The following SHOX variants were observed in gnomAD, a reference collection of about 807,000 sequenced individuals.
SHOX encodes the protein short stature homeobox protein.
Under a neutral mutation model 29.6 loss-of-function variants are expected in SHOX, and 12 were observed. The ratio of observed to expected loss-of-function variants is 0.41; its 90% CI spans 0.26 to 0.66. The LOEUF (loss-of-function observed/expected upper bound fraction) is 0.66. Among genes scored for constraint, SHOX ranks in the 30% least tolerant of loss-of-function variants. The pLI is 0.35. For synonymous variants in SHOX, 214 were observed against 200.6 expected (o/e 1.07, Z -0.57); for missense variants, 499 against 437.7 (o/e 1.14, Z -1.25).
At chrX:655,620 A>C (rs758098980), downstream of SHOX, among the ~76,000 whole-genome samples, 73 of 24,592 alleles carry the variant, frequency 3.0e-3, no homozygotes, top group African/African-American at 0.011. Context: ...CTCTCTATAT[A>C]TATATATATA....
At chrX:652,832 G>A (rs28579720), downstream of SHOX, among the ~76,000 whole-genome samples, 5 of 151,858 alleles carry the variant, frequency 3.3e-5, no homozygotes, top group East Asian at 1.9e-4. Flanking sequence ...TGCTTTTTGC[G>A]TGTTAGCAGA....
At chrX:658,631 C>T (rs890628816) in intron 5 of SHOX, among the ~76,000 whole-genome samples, 18 of 150,206 alleles carry the variant, frequency 1.2e-4, no homozygotes, top group African/African-American at 2.7e-4. Context: ...CCACCGCGCC[C>T]GGCTAATTTT....
chrX:650,811 A>AAC lies in SHOX; in HGVS notation c.*6176_*6177insCA, dbSNP rs1556473231. On this transcript the variant is annotated 3_prime_UTR_variant, in exon 5 of 5. Coordinates refer to ENST00000686671, the MANE Select transcript of SHOX (RefSeq NM_000451.4). The stretch of plus-strand genomic sequence containing the variant: ...TGACATTAAAAAAAAAAAAAAAAAA[A>AAC]AAAAAAAACTGGTGCCTAATTTATT... Among the ~76,000 whole-genome samples, 4,261 of 147,294 alleles carry AAC rather than the reference A, an allele frequency of 0.029. 142 individuals are homozygous for AAC. The highest frequency in any genetic ancestry group is 0.088 in the South Asian group (383 of 4,354).
intron 4 of SHOX, among the ~76,000 whole-genome samples, chrX:642,368 G>T (rs2052871782): frequency 6.6e-6 from 1 of 152,104 alleles, no homozygotes; most frequent in Non-Finnish European, 1.5e-5. Context: ...AAGGGGACAG[G>T]CTGGGGATTG....
chrX:624,701 T>TTTTCTTTTC (rs1556451345), intron 1 of SHOX: 2 of 105,370 alleles, frequency 1.9e-5, no homozygotes, highest in Non-Finnish European at 3.7e-5. Context: ...TTCCTCTTTC[T>TTTTCTTTTC]TTTCTTTCTT....
Position 630,867 on chromosome X carries a change from C to G in SHOX, c.-31C>G, listed in dbSNP as rs746800766. ...GCGGGGAGACGCGCGCATCCACCAG[C>G]CCCGGCTGCTCGCCAGCCCCGGCCC... On this transcript the variant is annotated 5_prime_UTR_variant, in exon 1 of 5. Coordinates refer to ENST00000686671, the MANE Select transcript of SHOX (RefSeq NM_000451.4). 6 of 1,611,852 alleles carry G rather than the reference C, an allele frequency of 3.7e-6. No individual in the cohort carries two copies. Among genetic ancestry groups the G allele is most frequent in the Non-Finnish European group, 4.2e-6 (5 of 1,179,634 alleles).
rs1202713206 is a variant in SHOX, at chrX:644,462, C to T, written c.705C>T (p.His235=). The change falls in exon 5 of 5, where the codon CAC becomes CAT. Residue 235 remains histidine (H), a synonymous_variant. Coordinates refer to ENST00000686671, the MANE Select transcript of SHOX (RefSeq NM_000451.4). ...ACCTGCACCCGCACCTGGCGGCGCA[C>T]GCGCCCTACCTGATGTTCCCCCCGC... ...HPHLHPHLAA[H]APYLMFPPPP... 3.3e-6 allele frequency: 5 copies of T among 1,523,030 alleles called. No individual in the cohort carries two copies. Among genetic ancestry groups the T allele is most frequent in the Non-Finnish European group, 4.4e-6 (5 of 1,142,760 alleles). The allele number at this position is 1,523,030 out of a possible 1,614,324, so 94.3% of individuals were successfully genotyped here.
upstream of SHOX, among the ~76,000 whole-genome samples, chrX:627,632 C>G (rs1453761311): frequency 6.6e-6 from 1 of 151,870 alleles, no homozygotes; most frequent in South Asian, 2.1e-4. Flanking sequence ...TGAAAAAGGG[C>G]CTTTGCTTTT....
At chrX:637,422 A>G (rs1569494198) in intron 2 of SHOX, among the ~76,000 whole-genome samples, 1 of 152,052 alleles carries the variant, frequency 6.6e-6, no homozygotes, top group Non-Finnish European at 1.5e-5. Context: ...GTAGTCTATT[A>G]CCGACGAGAG....
intron 1 of SHOX, among the ~76,000 whole-genome samples, chrX:633,552 G>A (rs1398787687): frequency 6.6e-6 from 1 of 152,126 alleles, no homozygotes; most frequent in Non-Finnish European, 1.5e-5. Flanking sequence ...TATTTACCCC[G>A]TTCCCTGTAG....
chrX:627,719 C>G (rs28485701), upstream of SHOX, among the ~76,000 whole-genome samples: 67,912 of 151,900 alleles, frequency 0.45, 15,664 homozygotes, highest in Non-Finnish European at 0.5. Flanking sequence ...GAGGCTCGGA[C>G]ACCCTGGTAG....
upstream of SHOX, chrX:630,661 G>C (rs2052630369): frequency 1.6e-6 from 1 of 606,632 alleles, no homozygotes. Flanking sequence ...CCTGGGGGGT[G>C]GGGGAGACAC....
chrX:630,551 G>A, upstream of SHOX: 1 of 438,260 alleles, frequency 2.3e-6, no homozygotes, highest in Non-Finnish European at 4.2e-6. Flanking sequence ...CCCCCCTCCT[G>A]CGCGCGCGCT....
At chrX:628,329 CTCTT>C (rs2052579364), upstream of SHOX, among the ~76,000 whole-genome samples, 2 of 150,892 alleles carry the variant, frequency 1.3e-5, no homozygotes, top group East Asian at 3.9e-4. Context: ...CCTTGTCTCT[CTCTT>C]TCTCTCTCTC....
At position 646,579 on chromosome X, in the gene SHOX, T is replaced by C. The variant is rs1181147252; in HGVS notation, c.*1943T>C. ...TCTTTTTTTCTTCCGCATAACACTT[T>C]CTATCTTGTCACTGAGCTGAACTGT... On this transcript the variant is annotated 3_prime_UTR_variant, in exon 5 of 5. Coordinates refer to ENST00000686671, the MANE Select transcript of SHOX (RefSeq NM_000451.4). The C allele has an allele frequency of 2.0e-5, 3 of 152,188 alleles. No individual in the cohort carries two copies. The highest frequency in any genetic ancestry group is 2.9e-5 in the Non-Finnish European group (2 of 68,038). 9.4% of individuals were successfully genotyped at this position (152,188 alleles called of 1,614,324 possible).
chrX:657,973 C>T (rs549905678), intron 5 of SHOX, among the ~76,000 whole-genome samples: 1 of 151,518 alleles, frequency 6.6e-6, no homozygotes, highest in African/African-American at 2.4e-5. Context: ...CAGGTGGTCT[C>T]TCTCTCTCTC....
chrX:644,756 C>A lies in SHOX; in HGVS notation c.*120C>A, dbSNP rs940044924. On this transcript the variant is annotated 3_prime_UTR_variant, in exon 5 of 5. Transcript: ENST00000686671. Reference sequence around the variant, plus strand: ...CCGCGGCCACCGTGCTCCGGGCACCCCGGGAGCTCCTGCAAGAGGCCTGAG... The same window carrying A: ...CCGCGGCCACCGTGCTCCGGGCACCACGGGAGCTCCTGCAAGAGGCCTGAG... 7.7e-6 allele frequency: 10 copies of A among 1,291,486 alleles called. No individual in the cohort carries two copies. The highest frequency in any genetic ancestry group is 6.3e-5 in the African/African-American group (4 of 63,446). The allele number at this position is 1,291,486 out of a possible 1,614,324, so 80.0% of individuals were successfully genotyped here. A position where few individuals can be genotyped will look rare whatever the true frequency, so the allele number is the denominator to read the frequency against.
chrX:648,613 A>G lies in SHOX; in HGVS notation c.*3977A>G, dbSNP rs2052997863. ...TTGATTTAATATGGAAAGAGGGCCA[A>G]GTGTCATCCTCACAAATGGGTCCCC... On this transcript the variant is annotated 3_prime_UTR_variant, in exon 5 of 5. Transcript: ENST00000686671. Among the ~76,000 whole-genome samples, 4 of 152,226 alleles carry G rather than the reference A, an allele frequency of 2.6e-5. No individual in the cohort carries two copies. The highest frequency in any genetic ancestry group is 9.6e-5 in the African/African-American group (4 of 41,464).
chrX:644,432 C>T lies in SHOX; in HGVS notation c.675C>T (p.His225=), dbSNP rs753687171. The change falls in exon 5 of 5, where the codon CAC becomes CAT. Residue 225 remains histidine (H), a synonymous_variant. Transcript: ENST00000686671. ...AGCTGGAAGGCGTGGCCCACGCGCACCCGCACCTGCACCCGCACCTGGCGG... is the reference window on the plus strand; with the variant it reads ...AGCTGGAAGGCGTGGCCCACGCGCATCCGCACCTGCACCCGCACCTGGCGG... ...QLQLEGVAHA[H]PHLHPHLAAH... The T allele has an allele frequency of 5.9e-6, 9 of 1,521,478 alleles. No homozygotes were observed. In the East Asian group the frequency reaches 1.8e-4, roughly 30 times the overall value. 94.2% of individuals were successfully genotyped at this position (1,521,478 alleles called of 1,614,324 possible).
Sources: allele counts gnomAD v4.1 joint callset (sites outside exome capture counted in the v4.1 genomes callset), GRCh38; gene constraint gnomAD v4.1.1; transcripts MANE v1.5; gene names NCBI Gene and HGNC (gene_info 2026-07-23, HGNC 2026-07-21).